Variants in NGEF observed in about 807,000 individuals in gnomAD.
NGEF encodes the protein ephexin-1.
NGEF carries 31 observed loss-of-function variants against 80.9 expected under a neutral mutation model. The observed-to-expected ratio is 0.38, with a 90% CI of 0.29 to 0.52. The LOEUF (loss-of-function observed/expected upper bound fraction) is 0.52. Ranked by LOEUF, NGEF falls within the 20% of genes least tolerant of loss-of-function variation. The pLI is 0.84. For synonymous variants in NGEF, 371 were observed against 370.2 expected (o/e 1.00, Z -0.03); for missense variants, 709 against 926.2 (o/e 0.77, Z 3.04).
At position 233,002,581 on chromosome 2, in the gene NGEF, G is replaced by A. The variant is rs190105680; in HGVS notation, c.-75+10487C>T. Reference sequence around the variant, plus strand: ...AGTCCCAGCTACTTGGAAGGCTGACGTGGGAGAATTCCTGGAGCCCAGGAG... The same window carrying A: ...AGTCCCAGCTACTTGGAAGGCTGACATGGGAGAATTCCTGGAGCCCAGGAG... On this transcript the variant is annotated intron_variant, in intron 1 of 14. Transcript: ENST00000264051. 6.8e-4 allele frequency among the ~76,000 whole-genome samples: 103 copies of A among 152,274 alleles called. 1 individual carries two copies. Among genetic ancestry groups the A allele is most frequent in the Admixed American group, 1.1e-3 (17 of 15,306 alleles).
intron 1 of NGEF, among the ~76,000 whole-genome samples, chr2:233,011,516 A>G (rs1416685008): frequency 3.3e-5 from 5 of 151,768 alleles, no homozygotes; most frequent in Middle Eastern, 3.4e-3. Flanking sequence ...TGGCCCCACA[A>G]CATCTGGGCT....
intron 1 of NGEF, among the ~76,000 whole-genome samples, chr2:232,990,368 G>T (rs1414466917): frequency 6.6e-6 from 1 of 151,980 alleles, no homozygotes; most frequent in Admixed American, 6.6e-5. Flanking sequence ...ATGAAAGGAA[G>T]CTTGCATATT....
chr2:232,933,921 C>T (rs1423724410), intron 3 of NGEF, among the ~76,000 whole-genome samples: 1 of 152,174 alleles, frequency 6.6e-6, no homozygotes, highest in Non-Finnish European at 1.5e-5. Context: ...CCTGCTGCCT[C>T]ACTCATCTTT....
rs1574991959 is a variant in NGEF at position 232,891,199 on chromosome 2, G to T, written c.1272+159C>A. The T allele has an allele frequency of 1.0e-5, 10 of 975,658 alleles. No individual in the cohort carries two copies. In the East Asian group the frequency reaches 2.5e-4, roughly 25 times the overall value. 60.4% of individuals were successfully genotyped at this position (975,658 alleles called of 1,614,324 possible). A position where few individuals can be genotyped will look rare whatever the true frequency, so the allele number is the denominator to read the frequency against. ...CTCTGCGATGGGCTCCCTGGGAGCA[G>T]GCGCTGCATCCTCACTGCCCAGGAA... On this transcript the variant is annotated intron_variant, in intron 8 of 14. Transcript: ENST00000264051.
chr2:232,978,876 G>T (rs148924723), intron 1 of NGEF, among the ~76,000 whole-genome samples: 1 of 152,184 alleles, frequency 6.6e-6, no homozygotes, highest in Non-Finnish European at 1.5e-5. Context: ...GAGCACAGGC[G>T]CCCGCCTAAT....
intron 1 of NGEF, among the ~76,000 whole-genome samples, chr2:232,994,930 G>A (rs1304353595): frequency 2.3e-5 from 2 of 88,398 alleles, no homozygotes; most frequent in East Asian, 1.0e-3. Context: ...ATACATACAT[G>A]GATATATACA....
At chr2:232,999,667 G>A (rs548941879) in intron 1 of NGEF, among the ~76,000 whole-genome samples, 2 of 152,354 alleles carry the variant, frequency 1.3e-5, no homozygotes, top group East Asian at 1.9e-4. Flanking sequence ...GCAAGCTCCC[G>A]CCTGTGGGCA....
At chr2:232,922,514 T>C (rs902738000) in intron 4 of NGEF, among the ~76,000 whole-genome samples, 1 of 152,116 alleles carries the variant, frequency 6.6e-6, no homozygotes, top group Non-Finnish European at 1.5e-5. Context: ...AAAATCCAAC[T>C]CTAAGCTAAA....
At chr2:233,007,948 TA>T (rs1391532660) in intron 1 of NGEF, among the ~76,000 whole-genome samples, 2 of 152,172 alleles carry the variant, frequency 1.3e-5, no homozygotes, top group Admixed American at 1.3e-4. Flanking sequence ...GCTAATTTCC[TA>T]AAAAGGAACT....
At chr2:232,886,923 G>T (rs112149281) in intron 9 of NGEF, among the ~76,000 whole-genome samples, 2,365 of 152,332 alleles carry the variant, frequency 0.016, 28 homozygotes, top group Non-Finnish European at 0.019. Context: ...TGGCTACCCT[G>T]CTTGAGGCTC....
intron 2 of NGEF, among the ~76,000 whole-genome samples, chr2:232,974,037 C>T (rs764479210): frequency 5.3e-5 from 8 of 152,102 alleles, no homozygotes; most frequent in Admixed American, 1.3e-4. Flanking sequence ...CACAGGAGCA[C>T]GTCACAAGGA....
At chr2:232,953,490 C>A in intron 3 of NGEF, among the ~76,000 whole-genome samples, 1 of 138,812 alleles carries the variant, frequency 7.2e-6, no homozygotes, top group Middle Eastern at 3.5e-3. Context: ...AGATAGTTGA[C>A]TTACATTCTT....
intron 3 of NGEF, among the ~76,000 whole-genome samples, chr2:232,943,557 G>A (rs1299220410): frequency 2.5e-5 from 3 of 121,934 alleles, no homozygotes; most frequent in South Asian, 2.8e-4. Flanking sequence ...GTGCAGTGGC[G>A]CGATCTCGGC....
Position 232,888,015 on chromosome 2 carries a change from AGAG to A in NGEF, c.1347+15_1347+17del. 1 of 1,607,222 alleles carries A rather than the reference AGAG, an allele frequency of 6.2e-7. No homozygotes were observed. The highest frequency in any genetic ancestry group is 8.5e-7 in the Non-Finnish European group (1 of 1,173,674). ...AAACAGTGCATTGGGATACAGCACAAGAGGAGGTGAGACTCACCATTTCCAGCT... is the reference window on the plus strand; with the variant it reads ...AAACAGTGCATTGGGATACAGCACAAGAGGTGAGACTCACCATTTCCAGCT... On this transcript the variant is annotated intron_variant, in intron 9 of 14. Transcript: ENST00000264051.
intron 3 of NGEF, among the ~76,000 whole-genome samples, chr2:232,954,744 G>A (rs1370484509): frequency 3.0e-5 from 4 of 133,632 alleles, no homozygotes; most frequent in Admixed American, 7.5e-5. Flanking sequence ...AAAAAAAAAA[G>A]AGAGGAGCTC....
intron 3 of NGEF, among the ~76,000 whole-genome samples, chr2:232,946,236 G>A (rs1448129956): frequency 6.6e-6 from 1 of 151,872 alleles, no homozygotes; most frequent in Non-Finnish European, 1.5e-5. Flanking sequence ...TAAGCTATGA[G>A]GATACAAAGA....
chr2:232,979,458 T>G (rs1694364368), intron 1 of NGEF, among the ~76,000 whole-genome samples: 2 of 152,196 alleles, frequency 1.3e-5, no homozygotes, highest in South Asian at 4.1e-4. Context: ...TAGACTATTT[T>G]AAGCAAATGT....
chr2:232,952,789 G>A (rs1356807890), intron 3 of NGEF, among the ~76,000 whole-genome samples: 1 of 150,874 alleles, frequency 6.6e-6, no homozygotes, highest in Non-Finnish European at 1.5e-5. Context: ...CCAATATGGT[G>A]AGACCCCATC....
At chr2:232,958,042 C>G (rs10165078) in intron 3 of NGEF, among the ~76,000 whole-genome samples, 1 of 152,136 alleles carries the variant, frequency 6.6e-6, no homozygotes, top group African/African-American at 2.4e-5. Context: ...CTTCAGTCAC[C>G]GTGTCCAAGT....
Sources: allele counts gnomAD v4.1 joint callset (sites outside exome capture counted in the v4.1 genomes callset), GRCh38; gene constraint gnomAD v4.1.1; transcripts MANE v1.5; gene names NCBI Gene and HGNC (gene_info 2026-07-23, HGNC 2026-07-21).